The following MYO10 variants were observed in gnomAD, a reference collection of about 807,000 sequenced individuals.
MYO10 encodes myosin X, also known as unconventional myosin-X.
MYO10 carries 133 observed loss-of-function variants against 257.3 expected under a neutral mutation model. The ratio of observed to expected loss-of-function variants is 0.52; its 90% confidence interval spans 0.45 to 0.60. The LOEUF is 0.60. Among genes scored for constraint, MYO10 ranks in the 20% least tolerant of loss-of-function variants. The pLI is 0.00. For synonymous variants in MYO10, 1,104 were observed against 1,028.6 expected, an observed-to-expected ratio of 1.07 and a Z score of -1.40; for missense variants, 2,399 against 2,635.7, an observed-to-expected ratio of 0.91 and a Z score of 1.97.
intron 5 of MYO10, 150 bp downstream of exon 5, chr5:16,783,185 T>C (rs2126670902): frequency 1.3e-6 from 1 of 780,882 alleles, no homozygotes. Flanking sequence ...GATATTACTA[T>C]GTGCATGGCA....
chr5:16,764,152 A>C (rs1740800168), intron 12 of MYO10, 98 bp downstream of exon 12: 1 of 1,420,186 alleles, frequency 7.0e-7, no homozygotes, highest in East Asian at 2.3e-5. Context: ...TTCTCAAAAA[A>C]AAAAAGAAAA....
At chr5:16,888,439 T>C (rs1230549652) in intron 1 of MYO10, among the ~76,000 whole-genome samples, 1 of 151,610 alleles carries the variant, frequency 6.6e-6, no homozygotes, top group African/African-American at 2.4e-5. Context: ...CTACTAAAAA[T>C]ACAAAATTAG....
At chr5:16,819,610 G>A (rs1412753787) in intron 2 of MYO10, among the ~76,000 whole-genome samples, 3 of 152,038 alleles carry the variant, frequency 2.0e-5, no homozygotes, top group African/African-American at 2.4e-5. Context: ...CTTCAGACAC[G>A]CACAAACTGG....
intron 35 of MYO10, 143 bp downstream of exon 35, chr5:16,674,709 AG>A: frequency 5.5e-6 from 5 of 909,608 alleles, no homozygotes; most frequent in Non-Finnish European, 8.4e-6. Context: ...AAGCTTGCTC[AG>A]GCAACCCACA....
At chr5:16,747,897 C>T (rs1339563269) in intron 19 of MYO10, among the ~76,000 whole-genome samples, 21 of 110,320 alleles carry the variant, frequency 1.9e-4, no homozygotes, top group Non-Finnish European at 1.7e-5. Flanking sequence ...CTAGACTGGG[C>T]GACAGAGCGA....
At position 16,668,482 on chromosome 5, in the gene MYO10, G is replaced by A; in HGVS notation, c.5884-14C>T. 1 of 1,584,620 alleles carries A rather than the reference G, an allele frequency of 6.3e-7. No individual in the cohort carries two copies. Among genetic ancestry groups the A allele is most frequent in the South Asian group, 1.2e-5 (1 of 85,946 alleles). On this transcript the variant is annotated splice_polypyrimidine_tract_variant and intron_variant, in intron 39 of 40. Transcript: ENST00000513610. ...ACCTTCCTTGCACTGGTGGGCAAGAGTCAACAGAAGAGTTAAGTCATGAAG... is the reference window on the plus strand; with the variant it reads ...ACCTTCCTTGCACTGGTGGGCAAGAATCAACAGAAGAGTTAAGTCATGAAG...
chr5:16,701,035 G>T lies in MYO10; in HGVS notation c.3360C>A (p.Asp1120Glu), dbSNP rs1738025039. The part of the protein sequence containing the change: ...SNSYGSQWSP[D>E]YRCSVGTYNS... ...TGTAGGTCCCCACAGAGCAGCGGTAGTCGGGGGACCACTGGCTGCCGTAGG... is the reference window on the plus strand; with the variant it reads ...TGTAGGTCCCCACAGAGCAGCGGTATTCGGGGGACCACTGGCTGCCGTAGG... Residue 1120 changes from aspartate (D) to glutamate (E), a missense_variant, in exon 25 of 41, where the codon GAC becomes GAA. Asp to Glu is a conservative substitution (Grantham distance 45, BLOSUM62 2). Around this residue, in one of 3 missense-constraint regions of MYO10, gnomAD observed 1,820 missense variants for 1,939.4 expected, o/e 0.94. Coordinates refer to ENST00000513610, the MANE Select transcript of MYO10 (RefSeq NM_012334.3). The surrounding 1 kb of genome is among the most constrained non-coding windows in gnomAD (Gnocchi z 8.1). 3 of 1,564,248 alleles carry T rather than the reference G, an allele frequency of 1.9e-6. No homozygotes were observed. Among genetic ancestry groups the T allele is most frequent in the Non-Finnish European group, 2.6e-6 (3 of 1,154,652 alleles).
chr5:16,793,478 C>T (rs925491498), intron 4 of MYO10, among the ~76,000 whole-genome samples: 8 of 152,034 alleles, frequency 5.3e-5, no homozygotes, highest in African/African-American at 9.7e-5. Flanking sequence ...CATGAGCCAC[C>T]GCGCCTGGCT....
chr5:16,934,898 T>C (rs990384162), intron 1 of MYO10, among the ~76,000 whole-genome samples: 2 of 152,206 alleles, frequency 1.3e-5, no homozygotes, highest in African/African-American at 4.8e-5. Flanking sequence ...CAGAAAACAT[T>C]CCCTGGCTTT....
chr5:16,912,324 G>C (rs148805853), intron 1 of MYO10, among the ~76,000 whole-genome samples: 2 of 152,178 alleles, frequency 1.3e-5, no homozygotes, highest in African/African-American at 4.8e-5. Flanking sequence ...CAACTAGAAG[G>C]CCTGGCAACA....
chr5:16,668,613 A>AAAT, intron 39 of MYO10, 145 bp from the exon 40 acceptor site: 1 of 574,630 alleles, frequency 1.7e-6, no homozygotes, highest in Non-Finnish European at 2.8e-6. Flanking sequence ...GAGGGGCCTG[A>AAAT]AATATGAAAA....
At chr5:16,774,948 C>A (rs180804722) in intron 9 of MYO10, among the ~76,000 whole-genome samples, 15 of 151,156 alleles carry the variant, frequency 9.9e-5, no homozygotes, top group Non-Finnish European at 2.1e-4. Flanking sequence ...ACAGATATAC[C>A]CAGGAAGGTC....
chr5:16,760,935 T>C (rs1740691402), intron 17 of MYO10, among the ~76,000 whole-genome samples: 1 of 151,930 alleles, frequency 6.6e-6, no homozygotes, highest in African/African-American at 2.4e-5. Flanking sequence ...TTTATTTCAG[T>C]ACCTCACTAA....
chr5:16,902,075 G>A (rs1745393459), intron 1 of MYO10, among the ~76,000 whole-genome samples: 1 of 151,708 alleles, frequency 6.6e-6, no homozygotes, highest in East Asian at 1.9e-4. Context: ...AATTTGTTTT[G>A]AGACAGATTT....
intron 1 of MYO10, chr5:16,916,305 CT>C: frequency 3.1e-6 from 1 of 327,716 alleles, no homozygotes; most frequent in South Asian, 2.4e-5. Flanking sequence ...TCTGAGGAGT[CT>C]TTTTAAGTTA....
chr5:16,761,598 G>T, intron 16 of MYO10, 52 bp from the exon 17 acceptor site: 1 of 1,343,232 alleles, frequency 7.4e-7, no homozygotes, highest in Non-Finnish European at 1.1e-6. Context: ...ATAGTTTCAG[G>T]TCATAAGCAA....
chr5:16,770,048 G>A (rs892792700), intron 9 of MYO10, among the ~76,000 whole-genome samples: 1 of 151,966 alleles, frequency 6.6e-6, no homozygotes, highest in Non-Finnish European at 1.5e-5. Flanking sequence ...GATTACAGGC[G>A]TGAGCCACCA....
chr5:16,676,935 C>T (rs1264158510), intron 33 of MYO10, among the ~76,000 whole-genome samples: 2 of 152,176 alleles, frequency 1.3e-5, no homozygotes, highest in Non-Finnish European at 2.9e-5. Flanking sequence ...ATCTATAGTT[C>T]ATTTCATAAA....
In MYO10 at chr5:16,777,839, C is replaced by CTT. The variant is rs61326508; in HGVS notation, c.930+1704_930+1705dup. On this transcript the variant is annotated intron_variant, in intron 9 of 40. Coordinates refer to ENST00000513610, the MANE Select transcript of MYO10 (RefSeq NM_012334.3). Reference sequence around the variant, plus strand: ...GCCACCCTAGGTGCATTGCATCTAACTTTTTTTTTTTTTTTTTTTTTTTTT... The same window carrying CTT: ...GCCACCCTAGGTGCATTGCATCTAACTTTTTTTTTTTTTTTTTTTTTTTTTTT... Among the ~76,000 whole-genome samples the CTT allele has an allele frequency of 8.6e-3, 759 of 88,450 alleles. 100 individuals are homozygous for CTT. Among genetic ancestry groups the CTT allele is most frequent in the African/African-American group, 0.018 (341 of 18,640 alleles). 58.0% of individuals were successfully genotyped at this position (88,450 alleles called of 152,430 possible).
Sources: allele counts gnomAD v4.1 joint callset (sites outside exome capture counted in the v4.1 genomes callset), GRCh38; gene constraint gnomAD v4.1.1; regional missense constraint gnomAD v4.1.1; non-coding constraint Gnocchi (gnomAD v3.1); transcripts MANE v1.5; gene names NCBI Gene and HGNC (gene_info 2026-07-23, HGNC 2026-07-21).